BRCA2: variants seen among roughly 807,000 people sequenced by gnomAD.
BRCA2 encodes the protein breast cancer type 2 susceptibility protein.
A neutral mutation model predicts 276.7 loss-of-function variants in BRCA2; 203 were observed. The ratio of observed to expected loss-of-function variants is 0.73; its 90% CI spans 0.65 to 0.82. The LOEUF is 0.82. Ranked by LOEUF, BRCA2 falls within the 40% of genes least tolerant of loss-of-function variation. The pLI is 0.00. For synonymous variants in BRCA2, 1,289 were observed against 1,338.4 expected, an observed-to-expected ratio of 0.96 and a Z score of 0.81; for missense variants, 3,920 against 3,915.0, an observed-to-expected ratio of 1.00 and a Z score of -0.03.
intron 3 of BRCA2, among the ~76,000 whole-genome samples, chr13:32,321,051 A>G (rs963156063): frequency 6.6e-6 from 1 of 152,242 alleles, no homozygotes; most frequent in Non-Finnish European, 1.5e-5. Flanking sequence ...TCTAGGTGAT[A>G]GAGACAAGTG....
At chr13:32,392,589 CAAA>C (rs10577567) in intron 24 of BRCA2, among the ~76,000 whole-genome samples, 188 of 133,956 alleles carry the variant, frequency 1.4e-3, no homozygotes, top group African/African-American at 1.7e-3. Flanking sequence ...GACTGCGTCT[CAAA>C]AAAAAAAAAA....
chr13:32,370,449 A>G lies in BRCA2; in HGVS notation c.8379A>G (p.Gly2793=), dbSNP rs1131692126. 2.5e-6 allele frequency: 4 copies of G among 1,614,000 alleles called. 1 individual carries two copies. Among genetic ancestry groups the G allele is most frequent in the South Asian group, 2.2e-5 (2 of 91,072 alleles). Residue 2793 remains glycine (G), a synonymous_variant, in exon 19 of 27, where the codon GGA becomes GGG. Coordinates refer to ENST00000380152, the MANE Select transcript of BRCA2 (RefSeq NM_000059.4). ...CTGCTCGCTGGTATACCAAACTTGGATTCTTTCCTGACCCTAGACCTTTTC... is the reference window on the plus strand; with the variant it reads ...CTGCTCGCTGGTATACCAAACTTGGGTTCTTTCCTGACCCTAGACCTTTTC... ...TRPARWYTKL[G]FFPDPRPFPL...
At chr13:32,369,596 C>T (rs1301378212) in intron 18 of BRCA2, among the ~76,000 whole-genome samples, 5 of 152,182 alleles carry the variant, frequency 3.3e-5, no homozygotes, top group Admixed American at 6.5e-5. Context: ...TTTTTGGAGA[C>T]GGAGGCACGC....
intron 24 of BRCA2, among the ~76,000 whole-genome samples, chr13:32,394,119 G>A (rs900866840): frequency 2.0e-5 from 3 of 151,896 alleles, no homozygotes; most frequent in Non-Finnish European, 2.9e-5. Flanking sequence ...CATAGAAATC[G>A]TCCTCACTCT....
Position 32,359,118 on chromosome 13 carries a change from A to G in BRCA2, c.7805+1189A>G, listed in dbSNP as rs547183816. On this transcript the variant is annotated intron_variant, in intron 16 of 26. Coordinates refer to ENST00000380152, the MANE Select transcript of BRCA2 (RefSeq NM_000059.4). Reference sequence around the variant, plus strand: ...GCGCCTGCAATCCCACTTACTTGGGAGGCCGAGGCAGGAAAATCGTTTGAA... The same window carrying G: ...GCGCCTGCAATCCCACTTACTTGGGGGGCCGAGGCAGGAAAATCGTTTGAA... Among the ~76,000 whole-genome samples, 20 of 148,402 alleles carry G rather than the reference A, an allele frequency of 1.3e-4. No individual in the cohort carries two copies. The South Asian group carries it at 4.4e-3, about 33-fold the overall frequency.
rs81002859 is a variant in BRCA2 at position 32,326,064 on chromosome 13, T to A, written c.426-37T>A. The A allele has an allele frequency of 1.1e-4, 167 of 1,571,856 alleles. No individual in the cohort carries two copies. Among genetic ancestry groups the A allele is most frequent in the Non-Finnish European group, 2.9e-5 (34 of 1,153,334 alleles). On this transcript the variant is annotated intron_variant, in intron 4 of 26. Transcript: ENST00000380152. ...GATAAACTAGTTTTTGCCAGTTTTTTAAAATAACCTAAGGGATTTGCTTTG... is the reference window on the plus strand; with the variant it reads ...GATAAACTAGTTTTTGCCAGTTTTTAAAAATAACCTAAGGGATTTGCTTTG...
chr13:32,376,917 C>A, intron 21 of BRCA2, 126 bp downstream of exon 21: 1 of 1,377,674 alleles, frequency 7.3e-7, no homozygotes, highest in Non-Finnish European at 1.0e-6. Context: ...GGGATGTGTA[C>A]ATTTCTGGGA....
intron 19 of BRCA2, 24 bp downstream of exon 19, chr13:32,370,581 C>A (rs753833212): frequency 6.3e-7 from 1 of 1,595,092 alleles, no homozygotes; most frequent in Non-Finnish European, 8.6e-7. Context: ...TTGAAACTTA[C>A]CATATATTTC....
At chr13:32,363,597 C>T (rs2137583420) in intron 18 of BRCA2, 64 bp downstream of exon 18, 1 of 1,443,494 alleles carries the variant, frequency 6.9e-7, no homozygotes, top group Non-Finnish European at 9.6e-7. Flanking sequence ...AGAAGTTTTA[C>T]ATTTAAATTT....
chr13:32,347,788 G>T (rs2072621782), intron 13 of BRCA2, among the ~76,000 whole-genome samples: 1 of 152,074 alleles, frequency 6.6e-6, no homozygotes, highest in Non-Finnish European at 1.5e-5. Flanking sequence ...AAAAAATACT[G>T]ACAGTTGAGG....
At position 32,362,475 on chromosome 13, in the gene BRCA2, A is replaced by G. The variant is rs751904687; in HGVS notation, c.7806-48A>G. The stretch of plus-strand genomic sequence containing the variant: ...AATAGTTGTAGTTGTTGAATTCAGT[A>G]TCATCCTATGTGGTTTTTATGATAA... On this transcript the variant is annotated intron_variant, in intron 16 of 26. Transcript: ENST00000380152. The G allele has an allele frequency of 3.9e-5, 60 of 1,549,462 alleles. No homozygotes were observed. Among genetic ancestry groups the G allele is most frequent in the Non-Finnish European group, 5.3e-5 (59 of 1,121,700 alleles).
At chr13:32,372,061 G>C (rs978350365) in intron 20 of BRCA2, among the ~76,000 whole-genome samples, 3 of 152,158 alleles carry the variant, frequency 2.0e-5, no homozygotes, top group Non-Finnish European at 2.9e-5. Context: ...CTTAAAATAA[G>C]ACAATGGCAT....
chr13:32,341,403 G>T (rs1212185875), intron 11 of BRCA2, among the ~76,000 whole-genome samples: 1 of 151,870 alleles, frequency 6.6e-6, no homozygotes, highest in South Asian at 2.1e-4. Flanking sequence ...ATACAGATTC[G>T]ATATCTCTGA....
chr13:32,368,657 T>C (rs1295804735), intron 18 of BRCA2, among the ~76,000 whole-genome samples: 1 of 152,072 alleles, frequency 6.6e-6, no homozygotes, highest in Non-Finnish European at 1.5e-5. Flanking sequence ...AATGTAGTGA[T>C]TTAGTTTTTA....
chr13:32,352,497 G>C (rs2137550974), intron 13 of BRCA2, among the ~76,000 whole-genome samples: 1 of 152,252 alleles, frequency 6.6e-6, no homozygotes, highest in African/African-American at 2.4e-5. Context: ...TGTAAAAAGT[G>C]ATCTAAGAAC....
At chr13:32,393,264 G>T (rs1476431787) in intron 24 of BRCA2, among the ~76,000 whole-genome samples, 1 of 152,080 alleles carries the variant, frequency 6.6e-6, no homozygotes, top group African/African-American at 2.4e-5. Context: ...AGTTGATTTT[G>T]TTTGCAACAA....
rs749636710 is a variant in BRCA2 at position 32,394,864 on chromosome 13, T to G, written c.9432T>G (p.Ser3144=). The G allele has an allele frequency of 6.2e-7, 1 of 1,614,118 alleles. No individual in the cohort carries two copies. The highest frequency in any genetic ancestry group is 1.1e-5 in the South Asian group (1 of 91,082). The change falls in exon 25 of 27, where the codon TCT becomes TCG. Residue 3144 remains serine (S), a synonymous_variant. Coordinates refer to ENST00000380152, the MANE Select transcript of BRCA2 (RefSeq NM_000059.4). ...GLLTLFAGDF[S]VFSASPKEGH... ...TTACTTTATTTGCTGGAGATTTTTC[T>G]GTGTTTTCTGCTAGTCCAAAAGAGG...
chr13:32,340,792 A>G lies in BRCA2; in HGVS notation c.6437A>G (p.Asn2146Ser), dbSNP rs768512381. Residue 2146 changes from asparagine to serine, a missense_variant, in exon 11 of 27, where the codon AAT becomes AGT. Asn to Ser is a conservative substitution (Grantham distance 46, BLOSUM62 1). This residue lies in a region of BRCA2 where 3,263 missense variants were observed against 3,156.9 expected (regional missense o/e 1.03). Coordinates refer to ENST00000380152, the MANE Select transcript of BRCA2 (RefSeq NM_000059.4). ...LNVEGGSSEN[N>S]HSIKVSPYLS... is the part of the protein sequence containing the mutation. ...GTTGAAGGTGGTTCTTCAGAAAATA[A>G]TCACTCTATTAAAGTTTCTCCATAT... is the stretch of plus-strand genomic sequence containing the variant. 6.3e-7 allele frequency: 1 copy of G among 1,594,832 alleles called. No homozygotes were observed. The highest frequency in any genetic ancestry group is 1.1e-5 in the South Asian group (1 of 86,986).
At position 32,380,030 on chromosome 13, in the gene BRCA2, G is replaced by C. The variant is rs1358886039; in HGVS notation, c.9141G>C (p.Gln3047His). ...AGGTTTCAGATGAAATTTTATTTCA[G>C]ATTTACCAGCCACGGGAGCCCCTTC... ...QLPVSDEILF[Q>H]IYQPREPLHF... The change falls in exon 24 of 27, where the codon CAG (glutamine) becomes CAC (histidine). Residue 3047 changes from glutamine to histidine, a missense_variant. Physicochemically the swap from Gln to His is conservative, Grantham distance 24. Around this residue, in one of 2 missense-constraint regions of BRCA2, gnomAD observed 657 missense variants for 758.2 expected, o/e 0.87. Coordinates refer to ENST00000380152, the MANE Select transcript of BRCA2 (RefSeq NM_000059.4). The C allele has an allele frequency of 1.2e-6, 2 of 1,613,810 alleles. No individual in the cohort carries two copies. Among genetic ancestry groups the C allele is most frequent in the Admixed American group, 1.7e-5 (1 of 59,978 alleles).
Sources: allele counts gnomAD v4.1 joint callset (sites outside exome capture counted in the v4.1 genomes callset), GRCh38; gene constraint gnomAD v4.1.1; regional missense constraint gnomAD v4.1.1; transcripts MANE v1.5; gene names NCBI Gene and HGNC (gene_info 2026-07-23, HGNC 2026-07-21).